The following POLR2M variants were observed in gnomAD, a reference collection of about 807,000 sequenced individuals.
The protein encoded by POLR2M is protein GRINL1A.
In POLR2M, 30 loss-of-function variants were observed where a neutral mutation model predicts 34.6. That is an observed-to-expected ratio of 0.87 (90% confidence interval 0.65 to 1.18). POLR2M has a LOEUF of 1.18. Among genes scored for constraint, POLR2M ranks in the 50% most tolerant of loss-of-function variants. The pLI is 0.00. For missense variants in POLR2M, 432 were observed against 448.7 expected, an observed-to-expected ratio of 0.96 and a Z score of 0.34; for synonymous variants, 150 against 166.7, an observed-to-expected ratio of 0.90 and a Z score of 0.77.
intron 2 of POLR2M, among the ~76,000 whole-genome samples, chr15:57,710,795 G>T (rs1455061769): frequency 6.6e-6 from 1 of 152,202 alleles, no homozygotes; most frequent in Non-Finnish European, 1.5e-5. Context: ...AACAGGAAAG[G>T]CAGGGCTTTG....
At chr15:57,713,092 G>A (rs1163043608) in intron 3 of POLR2M, among the ~76,000 whole-genome samples, 1 of 151,928 alleles carries the variant, frequency 6.6e-6, no homozygotes, top group African/African-American at 2.4e-5. Context: ...TACCTGTGGG[G>A]CTGAGGTAGG....
At position 57,714,795 on chromosome 15, in the gene POLR2M, A is replaced by G; in HGVS notation, c.*116A>G. On this transcript the variant is annotated 3_prime_UTR_variant, in exon 4 of 4. Transcript: ENST00000299638. Reference sequence around the variant, plus strand: ...GGGAAGTAATTTTATAAAGTTACACAAAGGTAGTTATAAAAAAAGCCCAGT... The same window carrying G: ...GGGAAGTAATTTTATAAAGTTACACGAAGGTAGTTATAAAAAAAGCCCAGT... 1 of 1,484,398 alleles carries G rather than the reference A, an allele frequency of 6.7e-7. No homozygotes were observed. Among genetic ancestry groups the G allele is most frequent in the South Asian group, 1.3e-5 (1 of 74,810 alleles). The allele number at this position is 1,484,398 out of a possible 1,614,324, so 92.0% of individuals were successfully genotyped here.
rs869161314 is a variant in POLR2M, at chr15:57,713,820, CTTT to C, written c.964-679_964-677del. 4.1e-3 allele frequency among the ~76,000 whole-genome samples: 272 copies of C among 65,620 alleles called. 10 individuals carry two copies. Among genetic ancestry groups the C allele is most frequent in the African/African-American group, 0.014 (236 of 16,792 alleles). The allele number at this position is 65,620 out of a possible 152,430, so 43.0% of individuals were successfully genotyped here. On this transcript the variant is annotated intron_variant, in intron 3 of 3. Transcript: ENST00000299638. ...AGAAATCTAGACAGCATTAGTCCTT[CTTT>C]TTTTTTTTTTTTTTTTTTTTTTTTT...
rs1219738202 is a variant in POLR2M at position 57,716,702 on chromosome 15, G to A, written c.*2023G>A. The A allele has an allele frequency of 1.3e-5, 2 of 152,266 alleles. No individual in the cohort carries two copies. The highest frequency in any genetic ancestry group is 4.8e-5 in the African/African-American group (2 of 41,472). 9.4% of individuals were successfully genotyped at this position (152,266 alleles called of 1,614,324 possible). A position where few individuals can be genotyped will look rare whatever the true frequency, so the allele number is the denominator to read the frequency against. On this transcript the variant is annotated 3_prime_UTR_variant, in exon 4 of 4. Transcript: ENST00000299638. ...TCATATTTTTTCTGTTGCTTGCTTGGAGAATTTGCTCTTTTTTTGGCATAT... is the reference window on the plus strand; with the variant it reads ...TCATATTTTTTCTGTTGCTTGCTTGAAGAATTTGCTCTTTTTTTGGCATAT...
chr15:57,707,303 C>T (rs992066412), intron 1 of POLR2M: 6 of 738,380 alleles, frequency 8.1e-6, no homozygotes, highest in Non-Finnish European at 1.4e-5. Flanking sequence ...AACAGATTGT[C>T]AGCTTCATCT....
intron 1 of POLR2M, among the ~76,000 whole-genome samples, chr15:57,708,164 G>A (rs2040568337): frequency 6.6e-6 from 1 of 152,164 alleles, no homozygotes; most frequent in African/African-American, 2.4e-5. Context: ...GTTGTATCTA[G>A]CGAAATGTAT....
chr15:57,711,679 A>C (rs1256599721), intron 2 of POLR2M, among the ~76,000 whole-genome samples: 1 of 152,080 alleles, frequency 6.6e-6, no homozygotes, highest in Non-Finnish European at 1.5e-5. Flanking sequence ...TATTGCACTG[A>C]AACTTTACAT....
rs764635862 is a variant in POLR2M, at chr15:57,709,228, G to C, written c.628G>C (p.Glu210Gln). The change falls in exon 2 of 4, where the codon GAA becomes CAA. Residue 210 changes from glutamate to glutamine, a missense_variant. Coordinates refer to ENST00000299638, the MANE Select transcript of POLR2M (RefSeq NM_015532.5). ...TIADQGEQQS[E>Q]ENASTKNLTG... ...TGCGGACCAAGGTGAACAACAGTCA[G>C]AAGAAAACGCAAGTACTAAGAACTT... 10 of 1,614,092 alleles carry C rather than the reference G, an allele frequency of 6.2e-6. No homozygotes were observed. Among genetic ancestry groups the C allele is most frequent in the Non-Finnish European group, 8.5e-6 (10 of 1,180,050 alleles).
rs754770378 is a variant in POLR2M at position 57,708,712 on chromosome 15, A to G, written c.114-2A>G. On this transcript the variant is annotated splice_acceptor_variant, in intron 1 of 3. Transcript: ENST00000299638. LOFTEE classifies it high-confidence loss of function. Reference sequence around the variant, plus strand: ...GTAATAGTATTCTTTTCCATTTGACAGAAAATTCATTTGCAAATTGCCCGA... The same window carrying G: ...GTAATAGTATTCTTTTCCATTTGACGGAAAATTCATTTGCAAATTGCCCGA... The G allele has an allele frequency of 6.4e-7, 1 of 1,572,602 alleles. No individual in the cohort carries two copies. The highest frequency in any genetic ancestry group is 8.6e-7 in the Non-Finnish European group (1 of 1,163,524).
rs1416065501 is a variant in POLR2M, at chr15:57,717,428, G to A, written c.*2749G>A. The stretch of plus-strand genomic sequence containing the variant: ...CTCTTGACACTCACTGTTTCCCCCA[G>A]AGCTAACTATCCTGACGTATGGTAA... On this transcript the variant is annotated 3_prime_UTR_variant, in exon 4 of 4. Coordinates refer to ENST00000299638, the MANE Select transcript of POLR2M (RefSeq NM_015532.5). The A allele has an allele frequency of 6.6e-6, 1 of 152,058 alleles. No individual in the cohort carries two copies. The highest frequency in any genetic ancestry group is 2.4e-5 in the African/African-American group (1 of 41,390). 9.4% of individuals were successfully genotyped at this position (152,058 alleles called of 1,614,324 possible).
intron 2 of POLR2M, 79 bp downstream of exon 2, chr15:57,709,437 G>T (rs1177042975): frequency 6.6e-7 from 1 of 1,508,856 alleles, no homozygotes; most frequent in African/African-American, 1.4e-5. Flanking sequence ...ACTGGGTGTG[G>T]TGGTGCTTGC....
In POLR2M at chr15:57,714,652, T is replaced by C. The variant is rs1162779547; in HGVS notation, c.1080T>C (p.Asp360=). ...SGRYREVRDE[D]DDWSSDEF ...GATACCGAGAAGTAAGGGATGAAGA[T>C]GACGATTGGTCCTCTGATGAATTCT... Residue 360 remains aspartate, a synonymous_variant, in exon 4 of 4, where the codon GAT becomes GAC. Coordinates refer to ENST00000299638, the MANE Select transcript of POLR2M (RefSeq NM_015532.5). The C allele has an allele frequency of 6.2e-7, 1 of 1,612,006 alleles. No individual in the cohort carries two copies. The highest frequency in any genetic ancestry group is 1.1e-5 in the South Asian group (1 of 90,986).
At position 57,716,743 on chromosome 15, in the gene POLR2M, TC is replaced by T. The variant is rs1203034105; in HGVS notation, c.*2066del. 9.2e-5 allele frequency: 14 copies of T among 152,404 alleles called. No individual in the cohort carries two copies. Among genetic ancestry groups the T allele is most frequent in the Non-Finnish European group, 1.6e-4 (11 of 68,034 alleles). 9.4% of individuals were successfully genotyped at this position (152,404 alleles called of 1,614,324 possible). A position where few individuals can be genotyped will look rare whatever the true frequency, so the allele number is the denominator to read the frequency against. On this transcript the variant is annotated 3_prime_UTR_variant, in exon 4 of 4. Transcript: ENST00000299638. ...TTTGGCATATAAGTTCTTAAGAATG[TC>T]CGTCCTTTGTCATATATTGTAACTT...
chr15:57,711,934 T>A, intron 2 of POLR2M, 50 bp from the exon 3 acceptor site: 1 of 1,601,308 alleles, frequency 6.2e-7, no homozygotes, highest in Non-Finnish European at 8.5e-7. Flanking sequence ...TTTAAATGTG[T>A]CTACAAATAA....
chr15:57,715,565 A>G lies in POLR2M; in HGVS notation c.*886A>G, dbSNP rs2040908127. On this transcript the variant is annotated 3_prime_UTR_variant, in exon 4 of 4. Coordinates refer to ENST00000299638, the MANE Select transcript of POLR2M (RefSeq NM_015532.5). ...ATGATAGGTTCATGTACACAACATT[A>G]ATGTTTGATAAGGAAAGCATTTTTT... 6.6e-6 allele frequency: 1 copy of G among 152,110 alleles called. No homozygotes were observed. Among genetic ancestry groups the G allele is most frequent in the Non-Finnish European group, 1.5e-5 (1 of 68,018 alleles). 9.4% of individuals were successfully genotyped at this position (152,110 alleles called of 1,614,324 possible).
intron 1 of POLR2M, chr15:57,707,508 G>T (rs1295875825): frequency 2.0e-6 from 1 of 490,826 alleles, no homozygotes; most frequent in South Asian, 1.5e-5. Flanking sequence ...TGGTTTGAAG[G>T]AATAAAAAGC....
intron 1 of POLR2M, among the ~76,000 whole-genome samples, chr15:57,708,327 T>C (rs1288696712): frequency 6.6e-6 from 1 of 152,198 alleles, no homozygotes; most frequent in Non-Finnish European, 1.5e-5. Context: ...AATATCTTAG[T>C]ATTATTATGA....
In POLR2M at chr15:57,714,557, G is replaced by A; in HGVS notation, c.985G>A (p.Ala329Thr). The change falls in exon 4 of 4, where the codon GCG (alanine) becomes ACG (threonine). Residue 329 changes from alanine (A) to threonine (T), a missense_variant. Ala to Thr is a moderately conservative substitution (Grantham distance 58). Transcript: ENST00000299638. ...AAAGGAGATGCAAGCAAAGCTCGCA[G>A]CGCAAAAATTAGCTGAAAGACTGAA... Reference protein sequence around the residue: ...NYEEMQAKLAAQKLAERLNIK... With the variant: ...NYEEMQAKLATQKLAERLNIK... 1.2e-6 allele frequency: 2 copies of A among 1,613,900 alleles called. No individual in the cohort carries two copies. The highest frequency in any genetic ancestry group is 1.7e-6 in the Non-Finnish European group (2 of 1,179,852).
intron 3 of POLR2M, among the ~76,000 whole-genome samples, chr15:57,714,144 G>A (rs1295217431): frequency 6.6e-6 from 1 of 152,034 alleles, no homozygotes; most frequent in African/African-American, 2.4e-5. Flanking sequence ...ACTGCACCGG[G>A]CCCCAGCATT....
Sources: gnomAD v4.1 joint callset for allele counts (sites outside exome capture counted in the v4.1 genomes callset) on GRCh38, gnomAD v4.1.1 for gene constraint, MANE v1.5 for transcripts, NCBI Gene and HGNC (gene_info 2026-07-23, HGNC 2026-07-21) for gene names.